ARMC12: variants seen among roughly 807,000 people sequenced by gnomAD.
ARMC12 encodes armadillo repeat containing 12.
ARMC12 carries 25 observed loss-of-function variants against 37.4 expected under a neutral mutation model. That is an observed-to-expected ratio of 0.67 (90% CI 0.49 to 0.93). ARMC12 has a LOEUF of 0.93. Among genes scored for constraint, ARMC12 ranks in the 40% least tolerant of loss-of-function variants. The pLI is 0.00. For synonymous variants in ARMC12, 167 were observed against 176.1 expected (o/e 0.95, Z 0.41); for missense variants, 384 against 426.6 (o/e 0.90, Z 0.88).
chr6:35,740,234 C>T (rs1767123963), intron 3 of ARMC12, among the ~76,000 whole-genome samples: 1 of 152,160 alleles, frequency 6.6e-6, no homozygotes, highest in Non-Finnish European at 1.5e-5. Flanking sequence ...CATGTCACTT[C>T]CCCCTTTCCC....
chr6:35,743,517 C>T (rs1561923038), intron 3 of ARMC12, among the ~76,000 whole-genome samples: 1 of 152,122 alleles, frequency 6.6e-6, no homozygotes, highest in Non-Finnish European at 1.5e-5. Flanking sequence ...TGCGTCCTGC[C>T]CGCATCTTGC....
rs1766996834 is a variant in ARMC12, at chr6:35,737,291, G to GGA, written c.163+24_163+25dup. 1 of 1,614,234 alleles carries GGA rather than the reference G, an allele frequency of 6.2e-7. No homozygotes were observed. Among genetic ancestry groups the GGA allele is most frequent in the Middle Eastern group, 1.6e-4 (1 of 6,062 alleles). On this transcript the variant is annotated intron_variant, in intron 1 of 5. Transcript: ENST00000373866. ...TCGCCCGTGAGTGTCCGGGCCCTGG[G>GGA]GAGAGGGCTCTGCCCCAGGAGGCAC...
upstream of ARMC12, among the ~76,000 whole-genome samples, chr6:35,734,381 C>T (rs554733106): frequency 4.6e-5 from 7 of 152,244 alleles, no homozygotes; most frequent in African/African-American, 1.7e-4. Context: ...AGGCCAGGCT[C>T]GAACTCCTGG....
intron 3 of ARMC12, 114 bp downstream of exon 3, chr6:35,738,632 A>G: frequency 7.1e-7 from 1 of 1,407,528 alleles, no homozygotes; most frequent in Non-Finnish European, 9.6e-7. Context: ...TGAATTTGTA[A>G]CCCAGAAATA....
chr6:35,733,342 A>G (rs1364017315), upstream of ARMC12, among the ~76,000 whole-genome samples: 1 of 152,166 alleles, frequency 6.6e-6, no homozygotes, highest in Non-Finnish European at 1.5e-5. Flanking sequence ...AAACCTGCGG[A>G]GATAATTAGG....
upstream of ARMC12, among the ~76,000 whole-genome samples, chr6:35,732,156 T>A (rs1766849081): frequency 6.6e-6 from 1 of 152,108 alleles, no homozygotes; most frequent in Non-Finnish European, 1.5e-5. Context: ...CTGGGGGCGC[T>A]GGCCCCCTCT....
intron 3 of ARMC12, among the ~76,000 whole-genome samples, chr6:35,746,268 G>T (rs979738926): frequency 2.0e-5 from 3 of 152,040 alleles, no homozygotes; most frequent in Non-Finnish European, 4.4e-5. Flanking sequence ...GATAGAGTGT[G>T]CTAAGCAGAG....
chr6:35,744,728 G>A (rs1482402431), intron 3 of ARMC12, among the ~76,000 whole-genome samples: 2 of 152,026 alleles, frequency 1.3e-5, no homozygotes, highest in Admixed American at 6.6e-5. Flanking sequence ...GCACTCCAGC[G>A]TGGGCAACAG....
In ARMC12 at chr6:35,748,943, G is replaced by T. The variant is rs1581933793; in HGVS notation, c.*73G>T. 3.5e-6 allele frequency: 5 copies of T among 1,432,440 alleles called. No homozygotes were observed. Among genetic ancestry groups the T allele is most frequent in the African/African-American group, 1.4e-5 (1 of 69,660 alleles). 88.7% of individuals were successfully genotyped at this position (1,432,440 alleles called of 1,614,324 possible). A position where few individuals can be genotyped will look rare whatever the true frequency, so the allele number is the denominator to read the frequency against. On this transcript the variant is annotated 3_prime_UTR_variant, in exon 6 of 6. Coordinates refer to ENST00000373866, the MANE Select transcript of ARMC12 (RefSeq NM_001286574.2). Reference sequence around the variant, plus strand: ...CTTGAAGCTCGAATGTCTGTTGGTGGCCTTCCAGGGCTGGGTGGAGATTTC... The same window carrying T: ...CTTGAAGCTCGAATGTCTGTTGGTGTCCTTCCAGGGCTGGGTGGAGATTTC...
At position 35,737,045 on chromosome 6, in the gene ARMC12, C is replaced by T. The variant is rs957873070; in HGVS notation, c.-64C>T. The T allele has an allele frequency of 7.8e-5, 124 of 1,592,648 alleles. 1 individual carries two copies. The highest frequency in any genetic ancestry group is 8.6e-5 in the Admixed American group (5 of 58,380). On this transcript the variant is annotated 5_prime_UTR_variant, in exon 1 of 6. Transcript: ENST00000373866. ...CCTGACCCTGCCAGAGTTCTGGTTC[C>T]GGAAGGCCCCCCACAGGTGCCTTGG...
chr6:35,742,496 CAAA>C (rs760070963), intron 3 of ARMC12, among the ~76,000 whole-genome samples: 18 of 43,432 alleles, frequency 4.1e-4, no homozygotes, highest in African/African-American at 1.2e-3. Flanking sequence ...GACTCTGTCT[CAAA>C]AAAAAAAAAA....
At position 35,747,563 on chromosome 6, in the gene ARMC12, T is replaced by C. The variant is rs755710692; in HGVS notation, c.619-13T>C. ...CACCTGCCTTCTCATGCTTTACTCT[T>C]TCCTTTATTCAGGTGCAAGCCGTAC... On this transcript the variant is annotated splice_polypyrimidine_tract_variant and intron_variant, in intron 4 of 5. Coordinates refer to ENST00000373866, the MANE Select transcript of ARMC12 (RefSeq NM_001286574.2). 2 of 1,613,986 alleles carry C rather than the reference T, an allele frequency of 1.2e-6. No homozygotes were observed. The highest frequency in any genetic ancestry group is 3.3e-5 in the Admixed American group (2 of 60,016).
At chr6:35,747,233 T>C in intron 3 of ARMC12, 28 bp from the exon 4 acceptor site, 1 of 1,599,108 alleles carries the variant, frequency 6.3e-7, no homozygotes, top group Non-Finnish European at 8.5e-7. Context: ...CCTGTAAAAG[T>C]AAGCCCTTTT....
chr6:35,742,569 C>T (rs1767207697), intron 3 of ARMC12, among the ~76,000 whole-genome samples: 1 of 151,736 alleles, frequency 6.6e-6, no homozygotes, highest in African/African-American at 2.4e-5. Flanking sequence ...CACAAATCCC[C>T]CAGGAAATTC....
chr6:35,744,056 T>C (rs1186086610), intron 3 of ARMC12, among the ~76,000 whole-genome samples: 3 of 152,190 alleles, frequency 2.0e-5, no homozygotes, highest in African/African-American at 7.2e-5. Context: ...TACATTGGAC[T>C]TTATTAAAAT....
chr6:35,745,176 C>T (rs956789712), intron 3 of ARMC12, among the ~76,000 whole-genome samples: 3 of 152,154 alleles, frequency 2.0e-5, no homozygotes, highest in African/African-American at 4.8e-5. Flanking sequence ...ACACGATTGT[C>T]GATAGCAGTT....
At position 35,737,273 on chromosome 6, in the gene ARMC12, T is replaced by G. The variant is rs752826851; in HGVS notation, c.163+2T>G. 2 of 1,614,238 alleles carry G rather than the reference T, an allele frequency of 1.2e-6. No individual in the cohort carries two copies. The highest frequency in any genetic ancestry group is 1.7e-6 in the Non-Finnish European group (2 of 1,180,032). Reference sequence around the variant, plus strand: ...GCAACTCACCCATCTGCATCGCCCGTGAGTGTCCGGGCCCTGGGGAGAGGG... The same window carrying G: ...GCAACTCACCCATCTGCATCGCCCGGGAGTGTCCGGGCCCTGGGGAGAGGG... On this transcript the variant is annotated splice_donor_variant, in intron 1 of 5. Transcript: ENST00000373866. LOFTEE classifies it high-confidence loss of function.
At chr6:35,747,212 A>C in intron 3 of ARMC12, 49 bp from the exon 4 acceptor site, 3 of 1,571,400 alleles carry the variant, frequency 1.9e-6, no homozygotes, top group Non-Finnish European at 2.6e-6. Context: ...ATACTGGGAT[A>C]GTGGTGATCA....
chr6:35,747,729 T>C, intron 5 of ARMC12, 82 bp downstream of exon 5: 1 of 1,411,904 alleles, frequency 7.1e-7, no homozygotes, highest in Non-Finnish European at 1.0e-6. Flanking sequence ...TCCAGACAGA[T>C]TTACCCCTGA....
Sources: allele counts gnomAD v4.1 joint callset (sites outside exome capture counted in the v4.1 genomes callset), GRCh38; gene constraint gnomAD v4.1.1; transcripts MANE v1.5; gene names NCBI Gene and HGNC (gene_info 2026-07-23, HGNC 2026-07-21).